Variants in DOCK7 observed in about 807,000 individuals in gnomAD.
DOCK7 encodes dedicator of cytokinesis protein 7.
A neutral mutation model predicts 271.0 loss-of-function variants in DOCK7; 138 were observed. The ratio of observed to expected loss-of-function variants is 0.51; its 90% CI spans 0.44 to 0.59. The LOEUF (loss-of-function observed/expected upper bound fraction) is 0.59. DOCK7 is among the 20% of genes least tolerant of loss of function. DOCK7 has a pLI of 0.00. For missense variants in DOCK7, 2,066 were observed against 2,592.4 expected (o/e 0.80, Z 4.41); for synonymous variants, 823 against 876.1 (o/e 0.94, Z 1.07).
chr1:62,473,916 C>A, intron 48 of DOCK7, 66 bp downstream of exon 48: 1 of 1,351,544 alleles, frequency 7.4e-7, no homozygotes, highest in Admixed American at 1.8e-5. Flanking sequence ...CCTTAAGGCC[C>A]TTATGTCATA....
At chr1:62,533,096 C>G (rs192217917) in intron 29 of DOCK7, among the ~76,000 whole-genome samples, 4 of 152,068 alleles carry the variant, frequency 2.6e-5, no homozygotes, top group Non-Finnish European at 5.9e-5. Context: ...TTTATCCGTT[C>G]GGAGCCCCCC....
chr1:62,462,071 A>G (rs1358523542), intron 48 of DOCK7, among the ~76,000 whole-genome samples: 7 of 59,294 alleles, frequency 1.2e-4, no homozygotes, highest in African/African-American at 4.9e-4. Context: ...AACTCATCTC[A>G]AAAAAAAAAA....
At chr1:62,657,498 T>TA (rs1215069167) in intron 2 of DOCK7, among the ~76,000 whole-genome samples, 2 of 152,036 alleles carry the variant, frequency 1.3e-5, no homozygotes. Flanking sequence ...CAAGTTCCAA[T>TA]AAAAAAATCT....
At position 62,647,696 on chromosome 1, in the gene DOCK7, T is replaced by G; in HGVS notation, c.813A>C (p.Ser271=). Residue 271 remains serine, a synonymous_variant, in exon 7 of 50, where the codon TCA becomes TCC. Transcript: ENST00000635253. ...TAAAAGAAATAAATACTCACTTGAG[T>G]GATAAGCATTTTACAAGAAGTCTTT... ...FGQRLLVKCL[S]LKFEIEIEPI... The G allele has an allele frequency of 6.3e-7, 1 of 1,599,240 alleles. No individual in the cohort carries two copies.
chr1:62,665,544 A>G (rs565390385), intron 1 of DOCK7, among the ~76,000 whole-genome samples: 3 of 151,800 alleles, frequency 2.0e-5, no homozygotes, highest in African/African-American at 7.2e-5. Flanking sequence ...CCTCTACTAA[A>G]AATACAAAAA....
intron 31 of DOCK7, among the ~76,000 whole-genome samples, chr1:62,526,815 C>A (rs1645023536): frequency 6.6e-6 from 1 of 152,080 alleles, no homozygotes; most frequent in Non-Finnish European, 1.5e-5. Flanking sequence ...TGAAAGAATA[C>A]AAACACAAAA....
intron 10 of DOCK7, among the ~76,000 whole-genome samples, chr1:62,633,083 G>A (rs1458233143): frequency 6.6e-6 from 1 of 152,052 alleles, no homozygotes; most frequent in Non-Finnish European, 1.5e-5. Context: ...ATAATCTGCA[G>A]TCAGATGGAA....
intron 11 of DOCK7, chr1:62,627,967 A>G (rs960762754): frequency 7.0e-6 from 1 of 143,876 alleles, no homozygotes. Context: ...ACTCTTCTCA[A>G]TTTCAAAACT....
chr1:62,494,535 C>T (rs760475364), intron 39 of DOCK7, 68 bp from the exon 40 acceptor site: 19 of 1,439,052 alleles, frequency 1.3e-5, no homozygotes, highest in Middle Eastern at 3.9e-4. Flanking sequence ...TTAGATAGCT[C>T]GCTCAGAGTT....
In DOCK7 at chr1:62,549,036, A is replaced by G. The variant is rs1440256480; in HGVS notation, c.2766+3696T>C. On this transcript the variant is annotated intron_variant, in intron 22 of 49. Transcript: ENST00000635253. ...AGCCATGGAACCTGATAAGCTGACC[A>G]AGGTAGAGTGTAGAGAGAAGACAAG... Among the ~76,000 whole-genome samples the G allele has an allele frequency of 8.5e-5, 13 of 152,362 alleles. No homozygotes were observed. The East Asian group carries it at 2.3e-3, about 27-fold the overall frequency.
At chr1:62,491,097 T>A (rs1646453101) in intron 41 of DOCK7, among the ~76,000 whole-genome samples, 1 of 152,204 alleles carries the variant, frequency 6.6e-6, no homozygotes, top group South Asian at 2.1e-4. Flanking sequence ...ATTTAATAGA[T>A]AAGAAAAGTG....
intron 12 of DOCK7, among the ~76,000 whole-genome samples, chr1:62,620,330 T>A (rs12239737): frequency 0.32 from 47,543 of 150,032 alleles, 7,685 homozygotes; most frequent in South Asian, 0.37. Context: ...TAAAAATAAA[T>A]AAATAAATAA....
chr1:62,457,244 A>G (rs1557570426), intron 49 of DOCK7, among the ~76,000 whole-genome samples: 1 of 152,186 alleles, frequency 6.6e-6, no homozygotes, highest in Non-Finnish European at 1.5e-5. Context: ...ATGATTATAG[A>G]TGATACAGGT....
chr1:62,677,439 G>A (rs569530607), intron 1 of DOCK7, among the ~76,000 whole-genome samples: 8 of 152,198 alleles, frequency 5.3e-5, no homozygotes, highest in Non-Finnish European at 8.8e-5. Context: ...TCCAAGATAC[G>A]AAGATAAGAG....
intron 37 of DOCK7, among the ~76,000 whole-genome samples, chr1:62,499,937 G>GAA (rs11409086): frequency 0.013 from 1,913 of 148,096 alleles, 50 homozygotes; most frequent in African/African-American, 0.044. Flanking sequence ...AAACTGTTCT[G>GAA]AAAAAAAAAA....
At chr1:62,524,200 TTA>T (rs1458941155) in intron 31 of DOCK7, among the ~76,000 whole-genome samples, 6 of 152,202 alleles carry the variant, frequency 3.9e-5, no homozygotes, top group African/African-American at 1.4e-4. Flanking sequence ...TGGCAAAAAT[TTA>T]AAAATCTGAC....
intron 43 of DOCK7, among the ~76,000 whole-genome samples, chr1:62,480,670 G>A (rs1646094465): frequency 1.3e-5 from 2 of 152,126 alleles, no homozygotes; most frequent in South Asian, 4.2e-4. Context: ...AATACTTATT[G>A]AGCCCTTACT....
chr1:62,646,716 T>A (rs966376341), intron 7 of DOCK7, among the ~76,000 whole-genome samples: 2 of 152,192 alleles, frequency 1.3e-5, no homozygotes, highest in Non-Finnish European at 2.9e-5. Flanking sequence ...TTCTACTGTG[T>A]CAGCTACGCA....
intron 14 of DOCK7, among the ~76,000 whole-genome samples, chr1:62,606,474 CCTAA>C (rs1457932824): frequency 1.3e-5 from 2 of 152,100 alleles, no homozygotes; most frequent in Admixed American, 1.3e-4. Flanking sequence ...TGTCTCCTGT[CCTAA>C]CTACTTTGCT....
Sources: allele counts gnomAD v4.1 joint callset (sites outside exome capture counted in the v4.1 genomes callset), GRCh38; gene constraint gnomAD v4.1.1; transcripts MANE v1.5; gene names NCBI Gene and HGNC (gene_info 2026-07-23, HGNC 2026-07-21).